Variants in MYH16 observed in about 807,000 individuals in gnomAD.
MYH16 encodes myosin heavy chain 16.
At position 99,258,637 on chromosome 7, in the gene MYH16, G is replaced by A. The variant is rs1791900983; in HGVS notation, n.1404+247G>A. Reference sequence around the variant, plus strand: ...TGGGATGAGTGGTGTGCTGAAGCCAGCCTGTACTGGCTAACAAGAGCTGAT... The same window carrying A: ...TGGGATGAGTGGTGTGCTGAAGCCAACCTGTACTGGCTAACAAGAGCTGAT... On this transcript the variant is annotated intron_variant and non_coding_transcript_variant, in intron 11 of 41. Transcript: ENST00000439784. Among the ~76,000 whole-genome samples, 3 of 152,136 alleles carry A rather than the reference G, an allele frequency of 2.0e-5. No individual in the cohort carries two copies. In the South Asian group the frequency reaches 6.2e-4, roughly 31 times the overall value.
intron 1 of MYH16, among the ~76,000 whole-genome samples, chr7:99,241,889 C>G (rs1212441170): frequency 2.0e-5 from 3 of 146,946 alleles, no homozygotes; most frequent in Non-Finnish European, 4.5e-5. Flanking sequence ...TTTGTTTTGT[C>G]TTGCACTATC....
chr7:99,262,775 A>G (rs1791949946), intron 13 of MYH16, among the ~76,000 whole-genome samples: 1 of 152,152 alleles, frequency 6.6e-6, no homozygotes, highest in Non-Finnish European at 1.5e-5. Flanking sequence ...TGCTGGATGG[A>G]TGGAGCCCCC....
chr7:99,245,603 T>C (rs1791718124), intron 2 of MYH16, among the ~76,000 whole-genome samples: 1 of 152,114 alleles, frequency 6.6e-6, no homozygotes, highest in South Asian at 2.1e-4. Flanking sequence ...TCTCACCTCA[T>C]TGCAACCTCC....
chr7:99,297,879 A>C lies in MYH16; in HGVS notation n.4637-13A>C, dbSNP rs968188599. Reference sequence around the variant, plus strand: ...TTCTTGGCCAGAAAGACTCATGGTTATATTTCTGGTAGGTTGAAGAGAGCA... The same window carrying C: ...TTCTTGGCCAGAAAGACTCATGGTTCTATTTCTGGTAGGTTGAAGAGAGCA... On this transcript the variant is annotated splice_polypyrimidine_tract_variant and intron_variant and non_coding_transcript_variant, in intron 35 of 41. Coordinates refer to ENST00000439784, the Ensembl canonical transcript of MYH16. 1 of 456,746 alleles carries C rather than the reference A, an allele frequency of 2.2e-6. No homozygotes were observed. The highest frequency in any genetic ancestry group is 1.5e-5 in the South Asian group (1 of 64,572). The allele number at this position is 456,746 out of a possible 1,614,324, so 28.3% of individuals were successfully genotyped here.
intron 37 of MYH16, among the ~76,000 whole-genome samples, chr7:99,300,893 T>C (rs781583594): frequency 2.0e-5 from 3 of 151,918 alleles, no homozygotes; most frequent in Non-Finnish European, 4.4e-5. Flanking sequence ...TGATAAGTCC[T>C]ATGGAGAAAT....
chr7:99,242,003 A>C (rs1301096888), intron 1 of MYH16, among the ~76,000 whole-genome samples: 2 of 151,978 alleles, frequency 1.3e-5, no homozygotes, highest in Admixed American at 1.3e-4. Context: ...TGGGGTTACA[A>C]GTGTGCGCTA....
chr7:99,260,276 A>G (rs1791924980), exon 12 of MYH16: 2 of 1,581,866 alleles, frequency 1.3e-6, no homozygotes, highest in African/African-American at 1.4e-5. Flanking sequence ...GAAGGCATCG[A>G]GTGGGTCTTC....
chr7:99,275,058 A>T (rs1334117877), intron 20 of MYH16, among the ~76,000 whole-genome samples: 1 of 152,070 alleles, frequency 6.6e-6, no homozygotes, highest in East Asian at 1.9e-4. Flanking sequence ...GCAGTGATGC[A>T]ATCATAGCTC....
chr7:99,268,742 C>T (rs188542116), intron 18 of MYH16, among the ~76,000 whole-genome samples: 12 of 152,312 alleles, frequency 7.9e-5, no homozygotes, highest in African/African-American at 2.4e-4. Flanking sequence ...TAAACCTCAA[C>T]GCCAATTAAT....
At chr7:99,284,162 T>C (rs1431435657) in intron 25 of MYH16, 144 bp downstream of exon 7, 6 of 357,926 alleles carry the variant, frequency 1.7e-5, no homozygotes, top group Non-Finnish European at 3.3e-5. Context: ...ATGGAGGATA[T>C]GCAGAGAGGT....
chr7:99,308,293 TAAAAAAAAA>T (rs10556699), downstream of MYH16, among the ~76,000 whole-genome samples: 2 of 40,158 alleles, frequency 5.0e-5, no homozygotes, highest in Non-Finnish European at 9.2e-5. Context: ...AGGCTCTGTC[TAAAAAAAAA>T]AAAAAAAAAA....
At chr7:99,248,008 T>C (rs1791754703) in intron 3 of MYH16, among the ~76,000 whole-genome samples, 1 of 152,238 alleles carries the variant, frequency 6.6e-6, no homozygotes, top group Admixed American at 6.5e-5. Flanking sequence ...ACCCGTGGGA[T>C]GCCAAGGTAA....
intron 22 of MYH16, among the ~76,000 whole-genome samples, chr7:99,280,225 C>G (rs996428526): frequency 1.3e-5 from 2 of 152,258 alleles, no homozygotes; most frequent in East Asian, 1.9e-4. Context: ...TGCAATTCCT[C>G]AGTTGCACAA....
intron 14 of MYH16, among the ~76,000 whole-genome samples, chr7:99,263,901 G>A (rs1301688089): frequency 7.2e-5 from 11 of 152,192 alleles, no homozygotes; most frequent in Admixed American, 7.2e-4. Flanking sequence ...AGTGGGGCCA[G>A]AAACACCAGT....
At position 99,281,393 on chromosome 7, in the gene MYH16, AC is replaced by A. The variant is rs535994035; in HGVS notation, n.2992+414del. Among the ~76,000 whole-genome samples the A allele has an allele frequency of 6.2e-4, 94 of 151,012 alleles. 1 individual carries two copies. Among genetic ancestry groups the A allele is most frequent in the African/African-American group, 2.1e-3 (87 of 40,872 alleles). ...GCAACATGGCAAAACTCCCATCTCT[AC>A]AAAAAAAAAATACAAAAATTAGCCA... On this transcript the variant is annotated intron_variant and non_coding_transcript_variant, in intron 23 of 41. Transcript: ENST00000439784.
chr7:99,249,581 T>TTTTG (rs1791784629), intron 4 of MYH16, among the ~76,000 whole-genome samples: 1 of 137,454 alleles, frequency 7.3e-6, no homozygotes, highest in Non-Finnish European at 1.5e-5. Flanking sequence ...TGTTTTTTTT[T>TTTTG]TTTTTTTTTT....
intron 37 of MYH16, among the ~76,000 whole-genome samples, chr7:99,299,927 T>A (rs1322318795): frequency 1.4e-5 from 2 of 138,182 alleles, no homozygotes; most frequent in Non-Finnish European, 3.1e-5. Flanking sequence ...TTTTATTTTA[T>A]TTTATTTATT....
At chr7:99,277,826 CCA>C (rs1792136407) in intron 21 of MYH16, 114 bp downstream of exon 3, 1 of 362,344 alleles carries the variant, frequency 2.8e-6, no homozygotes, top group African/African-American at 2.1e-5. Flanking sequence ...GGGAAATTCT[CCA>C]GCATACAAAG....
chr7:99,285,066 C>T (rs139183060), intron 26 of MYH16, 131 bp downstream of exon 8: 56 of 410,720 alleles, frequency 1.4e-4, no homozygotes, highest in African/African-American at 9.8e-4. Context: ...TGGAGATGGA[C>T]CCATGTTCCC....
Sources: gnomAD v4.1 joint callset for allele counts (sites outside exome capture counted in the v4.1 genomes callset) on GRCh38, gnomAD v4.1.1 for gene constraint, MANE v1.5 for transcripts, NCBI Gene and HGNC (gene_info 2026-07-23, HGNC 2026-07-21) for gene names.